The following ANK1 variants were observed in gnomAD, a reference collection of about 807,000 sequenced individuals.
ANK1 encodes ankyrin 1.
A neutral mutation model predicts 210.4 loss-of-function variants in ANK1; 51 were observed. That is an observed-to-expected ratio of 0.24 (90% CI 0.19 to 0.31). The LOEUF is 0.31. Ranked by LOEUF, ANK1 falls within the 10% of genes least tolerant of loss-of-function variation. The pLI, the probability that ANK1 is intolerant of heterozygous loss-of-function variation, is 1.00. For missense variants in ANK1, 2,051 were observed against 2,504.4 expected, an observed-to-expected ratio of 0.82 and a Z score of 3.86; for synonymous variants, 967 against 1,025.9, an observed-to-expected ratio of 0.94 and a Z score of 1.10.
Position 41,698,066 on chromosome 8 carries a change from T to A in ANK1, c.2614A>T (p.Ile872Phe). Residue 872 changes from isoleucine (I) to phenylalanine (F), a missense_variant, in exon 24 of 43, where the codon ATC (isoleucine) becomes TTC (phenylalanine). Around this residue, in one of 6 missense-constraint regions of ANK1, gnomAD observed 1,413 missense variants for 1,707.4 expected, o/e 0.83. Coordinates refer to ENST00000289734, the MANE Select transcript of ANK1 (RefSeq NM_000037.4). ...IPCAMPETVV[I>F]RSEEQEQASK... ...ACCTGCTCCTGCTCTTCTGACCTGA[T>A]CACCACTGTCTCAGGCATGGCACAG... is the stretch of plus-strand genomic sequence containing the variant. The A allele has an allele frequency of 6.2e-7, 1 of 1,614,134 alleles. No homozygotes were observed. Among genetic ancestry groups the A allele is most frequent in the Admixed American group, 1.7e-5 (1 of 60,032 alleles).
At chr8:41,667,654 G>A (rs954589999) in intron 39 of ANK1, among the ~76,000 whole-genome samples, 1 of 152,122 alleles carries the variant, frequency 6.6e-6, no homozygotes, top group Non-Finnish European at 1.5e-5. Context: ...AGAAAGGAGG[G>A]AGGGCCAGGA....
In ANK1 at chr8:41,690,364, A is replaced by G; in HGVS notation, c.3985-18T>C. 1.9e-6 allele frequency: 3 copies of G among 1,614,190 alleles called. No homozygotes were observed. Among genetic ancestry groups the G allele is most frequent in the Non-Finnish European group, 2.5e-6 (3 of 1,180,044 alleles). On this transcript the variant is annotated intron_variant, in intron 32 of 42. Transcript: ENST00000289734. ...TCCCTCACCTAAACTCAATCACACA[A>G]AGGAGAATTCAGGGGCCCTTTTCTA...
At chr8:41,770,459 C>A (rs543777337) in intron 1 of ANK1, among the ~76,000 whole-genome samples, 2 of 152,304 alleles carry the variant, frequency 1.3e-5, no homozygotes, top group African/African-American at 4.8e-5. Flanking sequence ...CATTCCCAGT[C>A]GCATTTTGGT....
At chr8:41,684,919 G>T (rs1471071254) in intron 36 of ANK1, among the ~76,000 whole-genome samples, 1 of 151,774 alleles carries the variant, frequency 6.6e-6, no homozygotes, top group Non-Finnish European at 1.5e-5. Context: ...TTATTTATTG[G>T]TCTCTGTTAC....
chr8:41,855,082 A>G (rs1811952625), intron 1 of ANK1, among the ~76,000 whole-genome samples: 1 of 152,204 alleles, frequency 6.6e-6, no homozygotes, highest in Non-Finnish European at 1.5e-5. Flanking sequence ...TAGTATGCAG[A>G]GCTCAGAGAC....
intron 16 of ANK1, among the ~76,000 whole-genome samples, chr8:41,711,102 T>A (rs1825996049): frequency 3.3e-5 from 5 of 152,198 alleles, no homozygotes; most frequent in Admixed American, 3.3e-4. Context: ...TAAGTTTAAT[T>A]AAACAACATG....
chr8:41,848,710 G>A (rs1810574531), intron 1 of ANK1, among the ~76,000 whole-genome samples: 1 of 152,206 alleles, frequency 6.6e-6, no homozygotes, highest in Non-Finnish European at 1.5e-5. Flanking sequence ...CTTGAAAATA[G>A]CCCCAGGTCT....
intron 5 of ANK1, among the ~76,000 whole-genome samples, chr8:41,727,005 C>T (rs771718213): frequency 2.6e-5 from 4 of 152,194 alleles, no homozygotes; most frequent in Non-Finnish European, 5.9e-5. Flanking sequence ...TTGGCCACAG[C>T]GGGAAGGACA....
chr8:41,690,417 T>A, intron 32 of ANK1, 57 bp downstream of exon 32: 2 of 1,614,212 alleles, frequency 1.2e-6, no homozygotes, highest in Non-Finnish European at 1.7e-6. Flanking sequence ...GTTTAGGGAA[T>A]TCTGCCTCCC....
intron 42 of ANK1, among the ~76,000 whole-genome samples, chr8:41,657,514 A>G (rs1021268931): frequency 3.3e-5 from 5 of 152,312 alleles, no homozygotes; most frequent in Admixed American, 3.3e-4. Context: ...TATTTCCCTG[A>G]CTAGATTAGA....
At chr8:41,761,403 G>A (rs1417840873) in intron 1 of ANK1, among the ~76,000 whole-genome samples, 5 of 151,658 alleles carry the variant, frequency 3.3e-5, no homozygotes, top group African/African-American at 7.3e-5. Context: ...TCACACACAC[G>A]TATACACACA....
At chr8:41,734,365 C>T (rs1308422523) in intron 2 of ANK1, among the ~76,000 whole-genome samples, 3 of 152,182 alleles carry the variant, frequency 2.0e-5, no homozygotes, top group South Asian at 2.1e-4. Flanking sequence ...AAATTCATGT[C>T]GAGGCCAGGC....
Position 41,695,940 on chromosome 8 carries a change from C to T in ANK1, c.2960+423G>A, listed in dbSNP as rs57459970. On this transcript the variant is annotated intron_variant, in intron 26 of 42. Coordinates refer to ENST00000289734, the MANE Select transcript of ANK1 (RefSeq NM_000037.4). ...GTACTTCCCTCGTCCTCAGGGGAAA[C>T]GGCCAGGGAGGCCGTCTTACTGGGA... Among the ~76,000 whole-genome samples, 598 of 149,616 alleles carry T rather than the reference C, an allele frequency of 4.0e-3. 11 individuals carry two copies. Among genetic ancestry groups the T allele is most frequent in the East Asian group, 0.036 (184 of 5,068 alleles).
At chr8:41,807,005 C>G (rs1452250928) in intron 1 of ANK1, among the ~76,000 whole-genome samples, 1 of 152,192 alleles carries the variant, frequency 6.6e-6, no homozygotes, top group Non-Finnish European at 1.5e-5. Flanking sequence ...TACAATAATG[C>G]TAATAATTAA....
chr8:41,663,611 T>C, intron 40 of ANK1, 48 bp downstream of exon 40: 14 of 1,567,510 alleles, frequency 8.9e-6, no homozygotes, highest in Non-Finnish European at 1.2e-5. Context: ...TTTTAGCTTC[T>C]AGCCCACCTG....
intron 2 of ANK1, among the ~76,000 whole-genome samples, chr8:41,745,281 G>A (rs1835827874): frequency 6.6e-6 from 1 of 152,188 alleles, no homozygotes; most frequent in African/African-American, 2.4e-5. Context: ...TTGCATCAGT[G>A]TTGATTTCCA....
chr8:41,758,505 TA>T (rs1357879133), intron 1 of ANK1, among the ~76,000 whole-genome samples: 1 of 151,886 alleles, frequency 6.6e-6, no homozygotes, highest in Non-Finnish European at 1.5e-5. Context: ...ACTATTTTTT[TA>T]AACTTTTTTT....
intron 1 of ANK1, among the ~76,000 whole-genome samples, chr8:41,852,707 G>A (rs889577438): frequency 3.9e-5 from 6 of 152,210 alleles, no homozygotes; most frequent in East Asian, 1.9e-4. Flanking sequence ...AGCTCACCAC[G>A]GTCCGATGAT....
intron 1 of ANK1, among the ~76,000 whole-genome samples, chr8:41,806,669 T>G (rs1398392479): frequency 6.6e-6 from 1 of 152,208 alleles, no homozygotes; most frequent in African/African-American, 2.4e-5. Context: ...GGTTTGAGCC[T>G]GGAAGTTCAA....
Sources: gnomAD v4.1 joint callset for allele counts (sites outside exome capture counted in the v4.1 genomes callset) on GRCh38, gnomAD v4.1.1 for gene constraint, gnomAD v4.1.1 regional missense constraint, MANE v1.5 for transcripts, NCBI Gene and HGNC (gene_info 2026-07-23, HGNC 2026-07-21) for gene names.